The following SLC4A8 variants were observed in gnomAD, a reference collection of about 807,000 sequenced individuals.
The protein encoded by SLC4A8 is electroneutral sodium bicarbonate exchanger 1.
Under a neutral mutation model 125.0 loss-of-function variants are expected in SLC4A8, and 40 were observed. The observed-to-expected ratio is 0.32, with a 90% CI of 0.25 to 0.42. The LOEUF (loss-of-function observed/expected upper bound fraction) is 0.42, where lower values mean the gene tolerates loss of function less well. SLC4A8 is among the 10% of genes least tolerant of loss of function. SLC4A8 has a pLI of 1.00. For synonymous variants in SLC4A8, 456 were observed against 476.0 expected (o/e 0.96, Z 0.55); for missense variants, 863 against 1,355.1 (o/e 0.64, Z 5.70).
At chr12:51,457,589 C>A (rs779127923) in intron 6 of SLC4A8, 50 bp downstream of exon 6, 2 of 1,537,448 alleles carry the variant, frequency 1.3e-6, no homozygotes, top group Admixed American at 3.5e-5. Context: ...ACATTGGGAA[C>A]TAGTTGGAGA....
At position 51,485,715 on chromosome 12, in the gene SLC4A8, T is replaced by G. The variant is rs1256215180; in HGVS notation, c.2173-72T>G. 6.4e-6 allele frequency: 5 copies of G among 775,818 alleles called. No homozygotes were observed. In the African/African-American group the frequency reaches 8.7e-5, roughly 13 times the overall value. The allele number at this position is 775,818 out of a possible 1,614,324, so 48.1% of individuals were successfully genotyped here. A position where few individuals can be genotyped will look rare whatever the true frequency, so the allele number is the denominator to read the frequency against. ...ACATTCTTCTGAGGATTTTTAAGCC[T>G]TTTACAATACTAACCTCTTTTCTAC... On this transcript the variant is annotated intron_variant, in intron 16 of 24. Transcript: ENST00000453097.
chr12:51,394,319 T>A (rs1271588904), intron 1 of SLC4A8, among the ~76,000 whole-genome samples: 1 of 152,268 alleles, frequency 6.6e-6, no homozygotes, highest in African/African-American at 2.4e-5. Context: ...CTTGGAATCC[T>A]CAGAATAATT....
chr12:51,468,768 A>T (rs575234290), intron 11 of SLC4A8, among the ~76,000 whole-genome samples: 2 of 152,364 alleles, frequency 1.3e-5, no homozygotes, highest in African/African-American at 4.8e-5. Flanking sequence ...TCAAAAAAAT[A>T]TATAAAAATA....
chr12:51,475,346 C>G (rs1950828118), intron 16 of SLC4A8, 140 bp downstream of exon 16: 7 of 771,456 alleles, frequency 9.1e-6, no homozygotes, highest in Non-Finnish European at 1.5e-5. Flanking sequence ...GGCATTCTCT[C>G]CTAGTGTCTG....
chr12:51,451,051 T>G (rs778088740), intron 3 of SLC4A8, 29 bp downstream of exon 3: 1 of 1,443,218 alleles, frequency 6.9e-7, no homozygotes, highest in Non-Finnish European at 9.1e-7. Context: ...AGGGCGGGTG[T>G]CCATGGCCCA....
At chr12:51,470,613 A>T in intron 13 of SLC4A8, 88 bp downstream of exon 13, 1 of 1,214,546 alleles carries the variant, frequency 8.2e-7, no homozygotes, top group Non-Finnish European at 1.2e-6. Context: ...CAGTACAGAC[A>T]GGCAATATCA....
intron 22 of SLC4A8, chr12:51,502,036 A>G (rs1377654103): frequency 6.6e-6 from 1 of 152,216 alleles, no homozygotes; most frequent in African/African-American, 2.4e-5. Flanking sequence ...AACCAAGAAC[A>G]CAATCCTGAC....
intron 9 of SLC4A8, 45 bp downstream of exon 9, chr12:51,461,336 T>A: frequency 9.3e-6 from 10 of 1,080,642 alleles, no homozygotes; most frequent in African/African-American, 1.5e-5. Flanking sequence ...TAAATATTTA[T>A]TGAATATTTA....
chr12:51,488,571 CTT>C (rs10706140), intron 17 of SLC4A8, 126 bp from the exon 18 acceptor site: 36,179 of 499,222 alleles, frequency 0.072, 18 homozygotes, highest in East Asian at 0.089. Flanking sequence ...TATTTCATGC[CTT>C]TTTTTTTTTT....
At chr12:51,432,525 C>T (rs1416984100) in intron 1 of SLC4A8, among the ~76,000 whole-genome samples, 1 of 151,798 alleles carries the variant, frequency 6.6e-6, no homozygotes, top group Non-Finnish European at 1.5e-5. Context: ...GAGATAGAGA[C>T]CATCCTAGCG....
At chr12:51,424,698 C>G (rs1485171413), upstream of SLC4A8, 1 of 437,168 alleles carries the variant, frequency 2.3e-6, no homozygotes, top group Non-Finnish European at 4.1e-6. Flanking sequence ...GCAACCGGGC[C>G]CGGGAGCGGT....
intron 15 of SLC4A8, 69 bp from the exon 16 acceptor site, chr12:51,474,976 A>C: frequency 7.3e-7 from 1 of 1,363,970 alleles, no homozygotes; most frequent in Non-Finnish European, 1.0e-6. Context: ...TGAGTGGTGG[A>C]CTCAGTAGGA....
chr12:51,493,404 GTT>G (rs1437481508), intron 19 of SLC4A8, among the ~76,000 whole-genome samples: 2 of 151,914 alleles, frequency 1.3e-5, no homozygotes, highest in African/African-American at 2.4e-5. Context: ...GTGTGTGTGT[GTT>G]TGTGTGTGTG....
At chr12:51,391,493 G>C (rs1948104095) in intron 1 of SLC4A8, 1 of 155,756 alleles carries the variant, frequency 6.4e-6, no homozygotes, top group Non-Finnish European at 1.4e-5. Flanking sequence ...GAGGAGGTGA[G>C]AGCGAGGACT....
chr12:51,465,508 T>C (rs2138267895), intron 11 of SLC4A8, among the ~76,000 whole-genome samples: 1 of 152,352 alleles, frequency 6.6e-6, no homozygotes, highest in South Asian at 2.1e-4. Flanking sequence ...AATCCCATAT[T>C]GCCAGGATCA....
In SLC4A8 at chr12:51,508,615, AG is replaced by A. The variant is rs1242656578; in HGVS notation, c.*1178del. ...AACATTCTGGCTCTCAGATGCAAAA[AG>A]TCACACTGGGAAATGAACTGTAAGT... On this transcript the variant is annotated 3_prime_UTR_variant, in exon 25 of 25. Coordinates refer to ENST00000453097, the MANE Select transcript of SLC4A8 (RefSeq NM_001039960.3). 1.3e-5 allele frequency: 2 copies of A among 152,666 alleles called. No individual in the cohort carries two copies. The highest frequency in any genetic ancestry group is 4.8e-5 in the African/African-American group (2 of 41,464). The allele number at this position is 152,666 out of a possible 1,614,324, so 9.5% of individuals were successfully genotyped here.
chr12:51,463,098 G>A (rs1201129572), intron 10 of SLC4A8, among the ~76,000 whole-genome samples: 1 of 152,050 alleles, frequency 6.6e-6, no homozygotes, highest in Admixed American at 6.6e-5. Flanking sequence ...CAGATAGAAT[G>A]TCTGATATTT....
At chr12:51,472,592 T>C (rs1252068299) in intron 14 of SLC4A8, among the ~76,000 whole-genome samples, 1 of 152,186 alleles carries the variant, frequency 6.6e-6, no homozygotes, top group Non-Finnish European at 1.5e-5. Flanking sequence ...TAACAAATAT[T>C]TATTGAGCAC....
At chr12:51,438,757 GTTC>G (rs1472159523) in intron 1 of SLC4A8, among the ~76,000 whole-genome samples, 1 of 152,074 alleles carries the variant, frequency 6.6e-6, no homozygotes, top group Non-Finnish European at 1.5e-5. Context: ...GTGTATAAGG[GTTC>G]TTTCTTCTTC....
Sources: allele counts gnomAD v4.1 joint callset (sites outside exome capture counted in the v4.1 genomes callset), GRCh38; gene constraint gnomAD v4.1.1; transcripts MANE v1.5; gene names NCBI Gene and HGNC (gene_info 2026-07-23, HGNC 2026-07-21).